The following LRP1B variants were observed in gnomAD, a reference collection of about 807,000 sequenced individuals.
LRP1B encodes LDL receptor related protein 1B, also known as low-density lipoprotein receptor-related protein 1B.
A neutral mutation model predicts 556.6 loss-of-function variants in LRP1B; 217 were observed. The ratio of observed to expected loss-of-function variants is 0.39; its 90% CI spans 0.35 to 0.44. The LOEUF is 0.44. LRP1B is among the 20% of genes least tolerant of loss of function. The probability of loss-of-function intolerance (pLI) is 1.00; values close to 1 mark genes in which losing one functional copy is unlikely to be tolerated. For synonymous variants in LRP1B, 2,047 were observed against 1,865.8 expected (o/e 1.10, Z -2.50); for missense variants, 5,053 against 5,620.8 (o/e 0.90, Z 3.23).
At chr2:141,067,773 T>C (rs1453487668) in intron 7 of LRP1B, among the ~76,000 whole-genome samples, 2 of 151,980 alleles carry the variant, frequency 1.3e-5, no homozygotes, top group African/African-American at 4.8e-5. Flanking sequence ...TAGGACCCTT[T>C]CTCTCAATAA....
chr2:141,137,788 A>T (rs1701526658), intron 7 of LRP1B, among the ~76,000 whole-genome samples: 1 of 151,940 alleles, frequency 6.6e-6, no homozygotes, highest in Non-Finnish European at 1.5e-5. Context: ...GTTTTTACCC[A>T]ATACACCTGG....
At chr2:141,627,921 G>C (rs550596095) in intron 2 of LRP1B, among the ~76,000 whole-genome samples, 2 of 152,096 alleles carry the variant, frequency 1.3e-5, no homozygotes, top group Non-Finnish European at 2.9e-5. Context: ...TTGATTTGAT[G>C]GATCAATGGA....
chr2:141,165,313 G>T (rs1680205168), intron 7 of LRP1B, among the ~76,000 whole-genome samples: 1 of 148,580 alleles, frequency 6.7e-6, no homozygotes, highest in Non-Finnish European at 1.5e-5. Flanking sequence ...ATACTAGGTT[G>T]CACTTCTAGT....
chr2:141,810,025 T>C (rs994604839), intron 2 of LRP1B, among the ~76,000 whole-genome samples: 4 of 150,328 alleles, frequency 2.7e-5, no homozygotes, highest in Non-Finnish European at 5.9e-5. Flanking sequence ...CATTTTATGC[T>C]CTCCTTCACA....
chr2:140,959,248 G>A (rs996799541), intron 18 of LRP1B, among the ~76,000 whole-genome samples: 5 of 151,656 alleles, frequency 3.3e-5, no homozygotes, highest in Non-Finnish European at 7.4e-5. Flanking sequence ...AGAGATACAG[G>A]ATTAGAAGAG....
chr2:141,939,246 A>G (rs1367682176), intron 1 of LRP1B, among the ~76,000 whole-genome samples: 5 of 152,100 alleles, frequency 3.3e-5, no homozygotes. Context: ...TTTACACTGT[A>G]TATATACACA....
At chr2:141,961,541 T>C (rs1701404810) in intron 1 of LRP1B, among the ~76,000 whole-genome samples, 1 of 151,696 alleles carries the variant, frequency 6.6e-6, no homozygotes, top group African/African-American at 2.4e-5. Context: ...CAGAGTGTAT[T>C]TCAAATTAAA....
intron 3 of LRP1B, among the ~76,000 whole-genome samples, chr2:141,402,161 C>T (rs1339408754): frequency 4.6e-5 from 7 of 152,028 alleles, no homozygotes; most frequent in Non-Finnish European, 7.4e-5. Context: ...TTTTTTCTAG[C>T]TTTAAATCAA....
intron 1 of LRP1B, among the ~76,000 whole-genome samples, chr2:142,033,111 A>G (rs1703761702): frequency 6.6e-6 from 1 of 151,792 alleles, no homozygotes. Flanking sequence ...AGATTTTGTT[A>G]CCGTCATCAG....
At chr2:140,424,482 A>T (rs1053776124) in intron 66 of LRP1B, among the ~76,000 whole-genome samples, 5 of 152,226 alleles carry the variant, frequency 3.3e-5, no homozygotes, top group African/African-American at 1.2e-4. Flanking sequence ...CACCATGCTT[A>T]TAGAAAATTC....
In LRP1B at chr2:141,208,547, C is replaced by T. The variant is rs116037317; in HGVS notation, c.851-19964G>A. 5.2e-3 allele frequency among the ~76,000 whole-genome samples: 788 copies of T among 152,160 alleles called. 5 individuals are homozygous for T. Among genetic ancestry groups the T allele is most frequent in the African/African-American group, 0.018 (758 of 41,506 alleles). On this transcript the variant is annotated intron_variant, in intron 6 of 90. Transcript: ENST00000389484. ...GCATATGCAGGCCTTATAGGTTTAGCCACAGATGCAGTAAATATATTAAAA... is the reference window on the plus strand; with the variant it reads ...GCATATGCAGGCCTTATAGGTTTAGTCACAGATGCAGTAAATATATTAAAA...
chr2:141,172,787 A>G (rs933257679), intron 7 of LRP1B, among the ~76,000 whole-genome samples: 1 of 152,020 alleles, frequency 6.6e-6, no homozygotes, highest in Non-Finnish European at 1.5e-5. Context: ...TTTCTCTACT[A>G]AGCAACCTGG....
intron 23 of LRP1B, among the ~76,000 whole-genome samples, chr2:140,892,315 G>A (rs976248020): frequency 1.3e-5 from 2 of 152,078 alleles, no homozygotes; most frequent in Non-Finnish European, 2.9e-5. Flanking sequence ...GTGACTGAAC[G>A]GAGGCAGTAT....
chr2:142,003,110 C>G (rs1485065383), intron 1 of LRP1B, among the ~76,000 whole-genome samples: 3 of 152,216 alleles, frequency 2.0e-5, no homozygotes, highest in Non-Finnish European at 4.4e-5. Context: ...TTTTATAACT[C>G]TCTGTATGGA....
intron 1 of LRP1B, among the ~76,000 whole-genome samples, chr2:141,951,659 C>G (rs2105034697): frequency 6.6e-6 from 1 of 152,170 alleles, no homozygotes; most frequent in East Asian, 1.9e-4. Flanking sequence ...TCACAACTTT[C>G]AAGTAAGAAA....
intron 7 of LRP1B, among the ~76,000 whole-genome samples, chr2:141,077,151 G>A (rs1219967844): frequency 6.6e-6 from 1 of 152,118 alleles, no homozygotes; most frequent in Non-Finnish European, 1.5e-5. Flanking sequence ...GGGAGGCTGA[G>A]GCAGAAGAAT....
chr2:140,666,080 G>T (rs1366156665), intron 41 of LRP1B, among the ~76,000 whole-genome samples: 1 of 150,728 alleles, frequency 6.6e-6, no homozygotes, highest in Non-Finnish European at 1.5e-5. Flanking sequence ...TGCAACCTCT[G>T]CCCTCCAAGT....
chr2:140,470,351 G>A (rs1049821108), intron 60 of LRP1B, among the ~76,000 whole-genome samples: 1 of 151,954 alleles, frequency 6.6e-6, no homozygotes, highest in South Asian at 2.1e-4. Flanking sequence ...AGATTAAAAC[G>A]TGGAGATTTG....
At chr2:141,947,294 G>T (rs1344606252) in intron 1 of LRP1B, among the ~76,000 whole-genome samples, 2 of 151,926 alleles carry the variant, frequency 1.3e-5, no homozygotes, top group Non-Finnish European at 2.9e-5. Flanking sequence ...AAAATTAGCT[G>T]GGTGTGGTGG....
Sources: allele counts gnomAD v4.1 joint callset (sites outside exome capture counted in the v4.1 genomes callset), GRCh38; gene constraint gnomAD v4.1.1; transcripts MANE v1.5; gene names NCBI Gene and HGNC (gene_info 2026-07-23, HGNC 2026-07-21).